The following STIM2 variants were observed in gnomAD, a reference collection of about 807,000 sequenced individuals.
The protein encoded by STIM2 is stromal interaction molecule 2.
Under a neutral mutation model 85.8 loss-of-function variants are expected in STIM2, and 31 were observed. The observed-to-expected ratio is 0.36, with a 90% CI of 0.27 to 0.49. The LOEUF (loss-of-function observed/expected upper bound fraction) is 0.49, where lower values mean the gene tolerates loss of function less well. Ranked by LOEUF, STIM2 falls within the 20% of genes least tolerant of loss-of-function variation. The probability of loss-of-function intolerance (pLI) is 0.98; values close to 1 mark genes in which losing one functional copy is unlikely to be tolerated. For synonymous variants in STIM2, 356 were observed against 331.1 expected (o/e 1.08, Z -0.82); for missense variants, 841 against 927.6 (o/e 0.91, Z 1.21).
At chr4:26,867,804 C>T (rs1722462268) in intron 1 of STIM2, among the ~76,000 whole-genome samples, 1 of 152,180 alleles carries the variant, frequency 6.6e-6, no homozygotes. Context: ...CCTTCTGTAA[C>T]TGTTTTCCTT....
chr4:26,998,979 C>T (rs941539704), intron 4 of STIM2, among the ~76,000 whole-genome samples: 2 of 151,650 alleles, frequency 1.3e-5, no homozygotes, highest in African/African-American at 2.4e-5. Context: ...AGAAAGTAAC[C>T]TTAGAAAACC....
At chr4:26,986,940 C>T (rs1251117099) in intron 3 of STIM2, among the ~76,000 whole-genome samples, 2 of 152,178 alleles carry the variant, frequency 1.3e-5, no homozygotes, top group Non-Finnish European at 2.9e-5. Flanking sequence ...ATAGCAGGAA[C>T]ATAAGATATA....
At chr4:26,885,464 C>T (rs748968501) in intron 1 of STIM2, among the ~76,000 whole-genome samples, 3 of 152,058 alleles carry the variant, frequency 2.0e-5, no homozygotes, top group Admixed American at 6.6e-5. Context: ...ATGGAGTCAT[C>T]AGCATATGAT....
intron 10 of STIM2, among the ~76,000 whole-genome samples, chr4:27,015,612 A>G (rs2109143046): frequency 6.6e-6 from 1 of 152,054 alleles, no homozygotes; most frequent in East Asian, 1.9e-4. Context: ...GTTTTCAATA[A>G]TTATTTCTCA....
chr4:27,006,420 A>G (rs983068439), intron 7 of STIM2, among the ~76,000 whole-genome samples: 1 of 152,108 alleles, frequency 6.6e-6, no homozygotes, highest in East Asian at 1.9e-4. Flanking sequence ...CAGTGTCCTT[A>G]GTTAGCTTTG....
intron 1 of STIM2, among the ~76,000 whole-genome samples, chr4:26,901,985 A>G (rs1349937837): frequency 6.6e-6 from 1 of 152,190 alleles, no homozygotes; most frequent in East Asian, 1.9e-4. Context: ...AGAGTGAATC[A>G]ATGGCGAAGT....
At chr4:26,957,366 A>C (rs570113033) in intron 2 of STIM2, among the ~76,000 whole-genome samples, 1 of 152,154 alleles carries the variant, frequency 6.6e-6, no homozygotes, top group African/African-American at 2.4e-5. Context: ...TACCCGGTAA[A>C]TAATAAACAT....
chr4:27,020,013 T>C (rs866119736), intron 11 of STIM2, among the ~76,000 whole-genome samples: 1 of 152,230 alleles, frequency 6.6e-6, no homozygotes, highest in South Asian at 2.1e-4. Context: ...TAGTGATTAA[T>C]CAAATTTTCT....
At chr4:26,937,412 A>G (rs1483218295) in intron 2 of STIM2, among the ~76,000 whole-genome samples, 1 of 152,092 alleles carries the variant, frequency 6.6e-6, no homozygotes, top group East Asian at 1.9e-4. Flanking sequence ...TCCTTCCCTC[A>G]GCCTTTTCAG....
At chr4:26,989,050 TC>T (rs1478360160) in intron 3 of STIM2, among the ~76,000 whole-genome samples, 1 of 152,182 alleles carries the variant, frequency 6.6e-6, no homozygotes, top group Non-Finnish European at 1.5e-5. Context: ...TTCTCCTGCC[TC>T]AGCCTCCGGA....
chr4:26,897,344 T>C (rs909823699), intron 1 of STIM2, among the ~76,000 whole-genome samples: 1 of 151,834 alleles, frequency 6.6e-6, no homozygotes, highest in African/African-American at 2.4e-5. Context: ...TGCTATCTCC[T>C]TGGGGTCATA....
chr4:26,991,674 A>G (rs1727771009), intron 3 of STIM2, among the ~76,000 whole-genome samples: 1 of 152,138 alleles, frequency 6.6e-6, no homozygotes, highest in Admixed American at 6.6e-5. Flanking sequence ...TCAAAATACC[A>G]TATGTACTCC....
intron 1 of STIM2, among the ~76,000 whole-genome samples, chr4:26,892,528 T>TG (rs964635430): frequency 2.4e-4 from 37 of 151,896 alleles, no homozygotes; most frequent in South Asian, 6.3e-4. Flanking sequence ...TGAATTTTTT[T>TG]GGGGGGGGAC....
rs1294157011 is a variant in STIM2, at chr4:27,022,735, G to C, written c.1980G>C (p.Lys660Asn). 2 of 1,614,076 alleles carry C rather than the reference G, an allele frequency of 1.2e-6. No individual in the cohort carries two copies. Among genetic ancestry groups the C allele is most frequent in the Non-Finnish European group, 1.7e-6 (2 of 1,179,992 alleles). ...ACTGTGTAGGTCTGACAGAAACTAA[G>C]AGTATGATCTTCAGTCCTGCAAGCA... The change falls in exon 12 of 12, where the codon AAG becomes AAC. Residue 660 changes from lysine (K) to asparagine (N), a missense_variant. Around this residue, in one of 3 missense-constraint regions of STIM2, gnomAD observed 293 missense variants for 284.5 expected, o/e 1.03. Coordinates refer to ENST00000467087, the MANE Select transcript of STIM2 (RefSeq NM_020860.4).
At chr4:26,993,416 T>C (rs1727836402) in intron 3 of STIM2, among the ~76,000 whole-genome samples, 1 of 152,154 alleles carries the variant, frequency 6.6e-6, no homozygotes, top group African/African-American at 2.4e-5. Context: ...TAAATGTTTT[T>C]GGTTTTTGTT....
rs957972317 is a variant in STIM2 at position 26,910,520 on chromosome 4, TCAAAAAAA to T, written c.152-8968_152-8961del. Among the ~76,000 whole-genome samples the T allele has an allele frequency of 9.7e-4, 146 of 150,842 alleles. 5 individuals are homozygous for T. Among genetic ancestry groups the T allele is most frequent in the Admixed American group, 9.6e-3 (145 of 15,144 alleles). ...GCCTGGGTGATGGAGTGAGACTGTC[TCAAAAAAA>T]CAAAAAAACAAAAAACAAACAAAAA... On this transcript the variant is annotated intron_variant, in intron 1 of 11. Coordinates refer to ENST00000467087, the MANE Select transcript of STIM2 (RefSeq NM_020860.4).
At chr4:26,890,775 G>C (rs1041191066) in intron 1 of STIM2, among the ~76,000 whole-genome samples, 3 of 142,952 alleles carry the variant, frequency 2.1e-5, no homozygotes, top group African/African-American at 5.3e-5. Flanking sequence ...AGTGAGCCGA[G>C]ATCCCGCCAC....
At chr4:27,019,465 CAG>C in intron 11 of STIM2, 1 of 1,289,770 alleles carries the variant, frequency 7.8e-7, no homozygotes, top group South Asian at 1.2e-5. Context: ...TTCTGGAAAT[CAG>C]AAGGAAAACT....
chr4:26,936,285 C>T (rs563714299), intron 2 of STIM2, among the ~76,000 whole-genome samples: 2 of 152,304 alleles, frequency 1.3e-5, no homozygotes, highest in South Asian at 4.1e-4. Flanking sequence ...GGAGTTTCTT[C>T]TCTGTCTCTT....
Sources: gnomAD v4.1 joint callset for allele counts (sites outside exome capture counted in the v4.1 genomes callset) on GRCh38, gnomAD v4.1.1 for gene constraint, gnomAD v4.1.1 regional missense constraint, MANE v1.5 for transcripts, NCBI Gene and HGNC (gene_info 2026-07-23, HGNC 2026-07-21) for gene names.